The following LDLRAD4 variants were observed in gnomAD, a reference collection of about 807,000 sequenced individuals.
The protein encoded by LDLRAD4 is low density lipoprotein receptor class A domain containing 4, also known as low-density lipoprotein receptor class A domain-containing protein 4.
In LDLRAD4, 5 loss-of-function variants were observed where a neutral mutation model predicts 17.0. The ratio of observed to expected loss-of-function variants is 0.29; its 90% CI spans 0.15 to 0.62. The LOEUF is 0.62. LDLRAD4 is among the 20% of genes least tolerant of loss of function. LDLRAD4 has a pLI of 0.84. For synonymous variants in LDLRAD4, 168 were observed against 171.8 expected (o/e 0.98, Z 0.17); for missense variants, 340 against 424.7 (o/e 0.80, Z 1.75).
At chr18:13,410,811 A>G (rs914567640) in intron 2 of LDLRAD4, among the ~76,000 whole-genome samples, 13 of 152,222 alleles carry the variant, frequency 8.5e-5, no homozygotes, top group African/African-American at 3.1e-4. Context: ...GCTTGATTTC[A>G]GTGGATGGCT....
chr18:13,640,259 C>G (rs928010416), intron 4 of LDLRAD4, among the ~76,000 whole-genome samples: 1 of 128,032 alleles, frequency 7.8e-6, no homozygotes, highest in African/African-American at 3.1e-5. Context: ...CGCCCCTGCA[C>G]TCCAGCCTGG....
intron 1 of LDLRAD4, among the ~76,000 whole-genome samples, chr18:13,338,580 A>G (rs1354437791): frequency 6.6e-6 from 1 of 152,234 alleles, no homozygotes; most frequent in Non-Finnish European, 1.5e-5. Context: ...TCTGGTGAAA[A>G]TAGAATTGAA....
intron 3 of LDLRAD4, among the ~76,000 whole-genome samples, chr18:13,475,971 T>C (rs1296876758): frequency 2.0e-5 from 3 of 152,070 alleles, no homozygotes; most frequent in East Asian, 1.9e-4. Flanking sequence ...ATCGGCCTCA[T>C]TGGAACAGGG....
At chr18:13,499,293 C>A in intron 3 of LDLRAD4, among the ~76,000 whole-genome samples, 1 of 144,104 alleles carries the variant, frequency 6.9e-6, no homozygotes, top group Non-Finnish European at 1.5e-5. Flanking sequence ...TTCGTGGACA[C>A]TGGAGAATCC....
chr18:13,413,473 C>T (rs2088568201), intron 2 of LDLRAD4, among the ~76,000 whole-genome samples: 1 of 152,200 alleles, frequency 6.6e-6, no homozygotes, highest in Admixed American at 6.5e-5. Flanking sequence ...CGTTTAACCT[C>T]ATCTCATAGT....
intron 1 of LDLRAD4, among the ~76,000 whole-genome samples, chr18:13,283,777 G>A (rs2045434222): frequency 6.6e-6 from 1 of 152,118 alleles, no homozygotes; most frequent in Admixed American, 6.5e-5. Flanking sequence ...AATTTACTGT[G>A]TTAGACCATA....
At chr18:13,238,057 A>G (rs147993342) in intron 1 of LDLRAD4, among the ~76,000 whole-genome samples, 13 of 152,288 alleles carry the variant, frequency 8.5e-5, no homozygotes, top group Non-Finnish European at 1.9e-4. Flanking sequence ...GGCTGTTCCT[A>G]GCCATCCTTA....
intron 4 of LDLRAD4, chr18:13,642,263 G>A (rs2042640916): frequency 3.0e-6 from 3 of 987,534 alleles, no homozygotes; most frequent in Non-Finnish European, 3.6e-6. Context: ...CTCAGTGATG[G>A]CCCAGCCCGC....
At chr18:13,351,823 C>T (rs2083053016) in intron 1 of LDLRAD4, among the ~76,000 whole-genome samples, 1 of 152,130 alleles carries the variant, frequency 6.6e-6, no homozygotes, top group African/African-American at 2.4e-5. Flanking sequence ...AAGAAAACTT[C>T]AGGTCAATAT....
chr18:13,526,668 T>C (rs147065592), intron 3 of LDLRAD4: 2 of 152,382 alleles, frequency 1.3e-5, no homozygotes, highest in East Asian at 3.9e-4. Flanking sequence ...TACAATGATG[T>C]ACTCTATAAT....
chr18:13,642,545 G>C, intron 4 of LDLRAD4: 1 of 1,228,138 alleles, frequency 8.1e-7, no homozygotes, highest in Non-Finnish European at 1.0e-6. Flanking sequence ...TGAATAGGTG[G>C]ACTGGAGAAG....
intron 1 of LDLRAD4, among the ~76,000 whole-genome samples, chr18:13,336,664 C>G (rs2082116959): frequency 6.6e-6 from 1 of 152,004 alleles, no homozygotes; most frequent in Admixed American, 6.6e-5. Context: ...ATTTCTGTGA[C>G]TTTTTTCCCC....
At chr18:13,251,050 A>G (rs1367074555) in intron 1 of LDLRAD4, among the ~76,000 whole-genome samples, 1 of 152,236 alleles carries the variant, frequency 6.6e-6, no homozygotes, top group African/African-American at 2.4e-5. Flanking sequence ...GATTCATCCC[A>G]GGGATGCAAA....
At chr18:13,377,441 C>G (rs967655873) in intron 1 of LDLRAD4, among the ~76,000 whole-genome samples, 1 of 152,172 alleles carries the variant, frequency 6.6e-6, no homozygotes, top group African/African-American at 2.4e-5. Context: ...TAGATGAGTG[C>G]CCGTGCCTTC....
In LDLRAD4 at chr18:13,224,830, CTT is replaced by C. The variant is rs909909799; in HGVS notation, c.-467+5855_-467+5856del. Among the ~76,000 whole-genome samples, 22 of 143,408 alleles carry C rather than the reference CTT, an allele frequency of 1.5e-4. No homozygotes were observed. The South Asian group carries it at 2.7e-3, about 17-fold the overall frequency. The allele number at this position is 143,408 out of a possible 152,430, so 94.1% of individuals were successfully genotyped here. A position where few individuals can be genotyped will look rare whatever the true frequency, so the allele number is the denominator to read the frequency against. ...AGTTATCCCATCTTTAAGAGTCTCT[CTT>C]TTTTTTTTTTTTCTTAGATAGAGTC... On this transcript the variant is annotated intron_variant, in intron 1 of 5. Transcript: ENST00000399848.
At chr18:13,470,079 A>T (rs1473009226) in intron 3 of LDLRAD4, among the ~76,000 whole-genome samples, 1 of 152,260 alleles carries the variant, frequency 6.6e-6, no homozygotes, top group African/African-American at 2.4e-5. Flanking sequence ...AACATCTAAC[A>T]GGTCTGTGGA....
chr18:13,589,811 T>C (rs2094986519), intron 3 of LDLRAD4, among the ~76,000 whole-genome samples: 2 of 152,172 alleles, frequency 1.3e-5, no homozygotes, highest in African/African-American at 4.8e-5. Flanking sequence ...TGAGAGGTTA[T>C]GACGCCCAGG....
intron 2 of LDLRAD4, among the ~76,000 whole-genome samples, chr18:13,416,154 G>A (rs1251501780): frequency 6.6e-6 from 1 of 152,172 alleles, no homozygotes; most frequent in African/African-American, 2.4e-5. Context: ...CTGAGCTATG[G>A]CGAGTCATCA....
intron 4 of LDLRAD4, among the ~76,000 whole-genome samples, chr18:13,638,142 A>C (rs2042239769): frequency 6.6e-6 from 1 of 152,150 alleles, no homozygotes; most frequent in Non-Finnish European, 1.5e-5. Flanking sequence ...TCGGTGGCAC[A>C]CACCTGTAGT....
Sources: allele counts gnomAD v4.1 joint callset (sites outside exome capture counted in the v4.1 genomes callset), GRCh38; gene constraint gnomAD v4.1.1; transcripts MANE v1.5; gene names NCBI Gene and HGNC (gene_info 2026-07-23, HGNC 2026-07-21).